Variants in TRPM4 observed in about 807,000 individuals in gnomAD.
TRPM4 encodes the protein transient receptor potential cation channel subfamily M member 4.
Under a neutral mutation model 135.6 loss-of-function variants are expected in TRPM4, and 124 were observed. The ratio of observed to expected loss-of-function variants is 0.91; its 90% CI spans 0.79 to 1.06. TRPM4 has a LOEUF of 1.06. Ranked by LOEUF, TRPM4 falls within the 50% of genes least tolerant of loss-of-function variation. The pLI, the probability that TRPM4 is intolerant of heterozygous loss-of-function variation, is 0.00. For missense variants in TRPM4, 1,658 were observed against 1,671.4 expected (o/e 0.99, Z 0.14); for synonymous variants, 745 against 705.6 (o/e 1.06, Z -0.88).
At chr19:49,169,165 A>T (rs566075104) in intron 6 of TRPM4, among the ~76,000 whole-genome samples, 1 of 151,182 alleles carries the variant, frequency 6.6e-6, no homozygotes, top group East Asian at 2.0e-4. Flanking sequence ...AAGCCACTGC[A>T]CTCCAGCCTG....
At position 49,183,304 on chromosome 19, in the gene TRPM4, C is replaced by A; in HGVS notation, c.1743+92C>A. On this transcript the variant is annotated intron_variant, in intron 12 of 24. Coordinates refer to ENST00000252826, the MANE Select transcript of TRPM4 (RefSeq NM_017636.4). Reference sequence around the variant, plus strand: ...CAATTACCATACAATTCCCCGACCCCTGACGTCACCTGACAGGCGCCCCAT... The same window carrying A: ...CAATTACCATACAATTCCCCGACCCATGACGTCACCTGACAGGCGCCCCAT... 4 of 1,539,018 alleles carry A rather than the reference C, an allele frequency of 2.6e-6. 1 individual carries two copies. Among genetic ancestry groups the A allele is most frequent in the Non-Finnish European group, 1.8e-6 (2 of 1,127,776 alleles).
chr19:49,203,842 T>C (rs143562579), intron 20 of TRPM4, among the ~76,000 whole-genome samples: 2 of 152,284 alleles, frequency 1.3e-5, no homozygotes, highest in East Asian at 3.9e-4. Context: ...ATAGACCACA[T>C]TTGGGCCCAG....
At position 49,167,894 on chromosome 19, in the gene TRPM4, G is replaced by A. The variant is rs68004247; in HGVS notation, c.268-23G>A. The A allele has an allele frequency of 0.04, 31,233 of 780,766 alleles. 5,452 individuals carry two copies. Among genetic ancestry groups the A allele is most frequent in the African/African-American group, 0.18 (6,043 of 34,522 alleles). 48.4% of individuals were successfully genotyped at this position (780,766 alleles called of 1,614,324 possible). On this transcript the variant is annotated intron_variant, in intron 3 of 24. Transcript: ENST00000252826. The stretch of plus-strand genomic sequence containing the variant: ...TGGGTCTCTGTCCCCCTCCCTGTGT[G>A]CCCCGCTCCCATGTGTCCACAGTTC...
intron 13 of TRPM4, 56 bp downstream of exon 13, chr19:49,188,826 G>C (rs1413862964): frequency 1.2e-6 from 2 of 1,612,816 alleles, no homozygotes; most frequent in Admixed American, 3.3e-5. Flanking sequence ...AGAGGGGGAT[G>C]TGCAACTCCG....
intron 20 of TRPM4, among the ~76,000 whole-genome samples, chr19:49,203,073 A>G (rs1222499814): frequency 6.6e-6 from 1 of 150,814 alleles, no homozygotes; most frequent in Non-Finnish European, 1.5e-5. Flanking sequence ...TTGTATTTTT[A>G]GTAGAGACGG....
chr19:49,194,918 C>G (rs1388589962), intron 16 of TRPM4, among the ~76,000 whole-genome samples: 1 of 150,054 alleles, frequency 6.7e-6, no homozygotes, highest in African/African-American at 2.5e-5. Flanking sequence ...ATAAACACAC[C>G]TGGCTAATTT....
chr19:49,182,416 CCATCCA>C, intron 10 of TRPM4, 156 bp from the exon 11 acceptor site: 1 of 686,518 alleles, frequency 1.5e-6, no homozygotes, highest in East Asian at 2.7e-5. Flanking sequence ...ATCTGTCCAT[CCATCCA>C]TCTACCTATC....
In TRPM4 at chr19:49,189,435, T is replaced by TCATCCACAGGAAGTCCTACGG. The variant is rs1391346879; in HGVS notation, c.2019+362_2019+382dup. Among the ~76,000 whole-genome samples the TCATCCACAGGAAGTCCTACGG allele has an allele frequency of 7.8e-4, 119 of 152,226 alleles. 1 individual carries two copies. The highest frequency in any genetic ancestry group is 2.8e-3 in the African/African-American group (115 of 41,542). ...CATTTCTTTCAAAGGAAGTCCTAGCTCATCCACAGGAAGTCCTACGGCATC... is the reference window on the plus strand; with the variant it reads ...CATTTCTTTCAAAGGAAGTCCTAGCTCATCCACAGGAAGTCCTACGGCATCCACAGGAAGTCCTACGGCATC... On this transcript the variant is annotated intron_variant, in intron 14 of 24. Transcript: ENST00000252826.
At position 49,196,480 on chromosome 19, in the gene TRPM4, C is replaced by T. The variant is rs1184863728; in HGVS notation, c.2251C>T (p.Arg751Cys). 1.3e-6 allele frequency: 2 copies of T among 1,555,184 alleles called. No individual in the cohort carries two copies. The highest frequency in any genetic ancestry group is 2.7e-5 in the African/African-American group (2 of 73,626). The change falls in exon 17 of 25, where the codon CGC becomes TGC. Residue 751 changes from arginine to cysteine, a missense_variant. Transcript: ENST00000252826. ...CGAGAAGACGCCGCTGGGGGTCCCG[C>T]GCCAGTCGGGCCGTCCGGGTTGCTG... ...PAEKTPLGVP[R>C]QSGRPGCCGG...
Position 49,171,727 on chromosome 19 carries a change from G to A in TRPM4, c.1008G>A (p.Arg336=). Residue 336 remains arginine, a synonymous_variant, in exon 8 of 25, where the codon AGG becomes AGA. Coordinates refer to ENST00000252826, the MANE Select transcript of TRPM4 (RefSeq NM_017636.4). The surrounding 1 kb of genome is among the most constrained non-coding windows in gnomAD (Gnocchi z 4.7). ...ARQGEARDRI[R]RFFPKGDLEV... ...AAGGCGAAGCCCGAGATCGAATCAG[G>A]CGTTTCTTTCCCAAAGGGGACCTTG... The A allele has an allele frequency of 3.7e-6, 6 of 1,612,956 alleles. No homozygotes were observed. Among genetic ancestry groups the A allele is most frequent in the Non-Finnish European group, 5.1e-6 (6 of 1,179,960 alleles).
At position 49,211,546 on chromosome 19, in the gene TRPM4, C is replaced by A. The variant is rs780830299; in HGVS notation, c.*48C>A. ...AGAAGCCCCCACAGGGGATTTTGCT[C>A]CTAGAGTAAGGCTCATCTGGGCCTC... On this transcript the variant is annotated 3_prime_UTR_variant, in exon 25 of 25. Coordinates refer to ENST00000252826, the MANE Select transcript of TRPM4 (RefSeq NM_017636.4). The surrounding 1 kb of genome is among the most constrained non-coding windows in gnomAD (Gnocchi z 4.8). 6 of 1,613,484 alleles carry A rather than the reference C, an allele frequency of 3.7e-6. No homozygotes were observed. In the South Asian group the frequency reaches 5.5e-5, roughly 15 times the overall value.
intron 11 of TRPM4, 36 bp from the exon 12 acceptor site, chr19:49,183,015 AGGGCTGGTGGTGGCCAGTGTTGGGGAG>A: frequency 6.2e-7 from 1 of 1,603,144 alleles, no homozygotes; most frequent in East Asian, 2.2e-5. Flanking sequence ...AACCAGAGGC[AGGGCTGGTGGTGGCCAGTGTTGGGGAG>A]GGGCTGGTCC....
At position 49,210,500 on chromosome 19, in the gene TRPM4, G is replaced by T; in HGVS notation, c.3328+95G>T. On this transcript the variant is annotated intron_variant, in intron 21 of 24. Coordinates refer to ENST00000252826, the MANE Select transcript of TRPM4 (RefSeq NM_017636.4). This position sits in a 1 kb window ranked among gnomAD's most constrained non-coding sequence, Gnocchi z 4.1. ...GGCATGCCCCAAATGACTAACGGGC[G>T]TGGCTTAGGTAGCGAGGGGCGGGGT... 6.7e-7 allele frequency: 1 copy of T among 1,501,562 alleles called. No individual in the cohort carries two copies. 93.0% of individuals were successfully genotyped at this position (1,501,562 alleles called of 1,614,324 possible). A position where few individuals can be genotyped will look rare whatever the true frequency, so the allele number is the denominator to read the frequency against.
At chr19:49,180,325 G>A (rs1967865412) in intron 9 of TRPM4, among the ~76,000 whole-genome samples, 1 of 150,896 alleles carries the variant, frequency 6.6e-6, no homozygotes. Context: ...AGGGTCTCTC[G>A]GAGTCCCTCT....
chr19:49,202,927 G>A (rs969046403), intron 20 of TRPM4, among the ~76,000 whole-genome samples: 2 of 135,086 alleles, frequency 1.5e-5, no homozygotes, highest in Admixed American at 8.1e-5. Context: ...GTGTCACCCA[G>A]GCTAGAGTGC....
At position 49,192,567 on chromosome 19, in the gene TRPM4, C is replaced by T. The variant is rs1175799; in HGVS notation, c.2210+1794C>T. 3.9e-5 allele frequency among the ~76,000 whole-genome samples: 6 copies of T among 152,234 alleles called. No homozygotes were observed. In the East Asian group the frequency reaches 7.7e-4, roughly 20 times the overall value. ...GCTGGAGGCCATTATCCATAACAAA[C>T]TAACAGGAACAGAAAACCAAATACC... On this transcript the variant is annotated intron_variant, in intron 16 of 24. Coordinates refer to ENST00000252826, the MANE Select transcript of TRPM4 (RefSeq NM_017636.4).
intron 16 of TRPM4, among the ~76,000 whole-genome samples, chr19:49,193,875 CTCCTCCTTGTCA>C (rs1568481841): frequency 1.3e-5 from 2 of 151,618 alleles, no homozygotes; most frequent in African/African-American, 2.4e-5. Flanking sequence ...CCTCCTTGTC[CTCCTCCTTGTCA>C]TCCTCCTTCT....
In TRPM4 at chr19:49,182,874, C is replaced by T; in HGVS notation, c.1560C>T (p.Pro520=). The T allele has an allele frequency of 1.2e-6, 2 of 1,605,612 alleles. No individual in the cohort carries two copies. The highest frequency in any genetic ancestry group is 1.7e-6 in the Non-Finnish European group (2 of 1,175,636). Residue 520 remains proline, a synonymous_variant, in exon 11 of 25, where the codon CCC becomes CCT. Transcript: ENST00000252826. ...GGAAGATGTGCGCGCCGAGGTACCC[C>T]TCCGGGGGCGCCTGGGACCCTCACC... is the stretch of plus-strand genomic sequence containing the variant. The part of the protein sequence containing the change: ...LLGKMCAPRY[P]SGGAWDPHPG...
At chr19:49,158,381 G>A (rs2041560111) in intron 2 of TRPM4, 122 bp downstream of exon 2, 2 of 902,760 alleles carry the variant, frequency 2.2e-6, no homozygotes, top group East Asian at 2.4e-5. Context: ...TCCCAAGGGC[G>A]TTCCTTGCCG....
Sources: gnomAD v4.1 joint callset for allele counts (sites outside exome capture counted in the v4.1 genomes callset) on GRCh38, gnomAD v4.1.1 for gene constraint, Gnocchi (gnomAD v3.1) non-coding constraint, MANE v1.5 for transcripts, NCBI Gene and HGNC (gene_info 2026-07-23, HGNC 2026-07-21) for gene names.